Variants in EFCAB14 observed in about 807,000 individuals in gnomAD.
The protein encoded by EFCAB14 is EF-hand calcium binding domain 14.
Under a neutral mutation model 56.5 loss-of-function variants are expected in EFCAB14, and 43 were observed. The ratio of observed to expected loss-of-function variants is 0.76; its 90% confidence interval spans 0.60 to 0.98. EFCAB14 has a LOEUF of 0.98. EFCAB14 is among the 50% of genes least tolerant of loss of function. The probability of loss-of-function intolerance (pLI) is 0.00; values close to 1 mark genes in which losing one functional copy is unlikely to be tolerated. For synonymous variants in EFCAB14, 235 were observed against 212.9 expected (o/e 1.10, Z -0.90); for missense variants, 538 against 580.3 (o/e 0.93, Z 0.75).
chr1:46,683,622 T>C (rs2148838433), intron 9 of EFCAB14, among the ~76,000 whole-genome samples, 197 bp from the exon 10 acceptor site: 1 of 152,268 alleles, frequency 6.6e-6, no homozygotes, highest in African/African-American at 2.4e-5. Flanking sequence ...CACCAATCAG[T>C]ATTATATTAC....
intron 5 of EFCAB14, among the ~76,000 whole-genome samples, chr1:46,690,518 A>G (rs1676974417): frequency 6.6e-6 from 1 of 152,194 alleles, no homozygotes; most frequent in African/African-American, 2.4e-5. Flanking sequence ...AACAATAAAG[A>G]GAAAAGGAGG....
At chr1:46,683,279 C>A (rs902987860) in intron 10 of EFCAB14, 21 bp downstream of exon 10, 1 of 1,609,246 alleles carries the variant, frequency 6.2e-7, no homozygotes, top group Non-Finnish European at 8.5e-7. Context: ...CCCATTACTA[C>A]CCCGTGGTAT....
At chr1:46,699,852 T>C (rs1277692298) in intron 3 of EFCAB14, among the ~76,000 whole-genome samples, 1 of 152,204 alleles carries the variant, frequency 6.6e-6, no homozygotes, top group Non-Finnish European at 1.5e-5. Flanking sequence ...CTGGCAACTT[T>C]AGAAATTAGG....
rs1174129516 is a variant in EFCAB14, at chr1:46,683,306, T to C, written c.1306A>G (p.Thr436Ala). Residue 436 changes from threonine (T) to alanine (A), a missense_variant, in exon 10 of 11, where the codon ACT (threonine) becomes GCT (alanine). Transcript: ENST00000371933. ...RPISLPGVSS[T>A]EDLQDLFRKT... ...CCGTGGTATAAAAATTTACCTTCAG[T>C]GCTAGAAACTCCTGGTAGGGAGATA... The C allele has an allele frequency of 6.2e-7, 1 of 1,613,736 alleles. No individual in the cohort carries two copies. Among genetic ancestry groups the C allele is most frequent in the Non-Finnish European group, 8.5e-7 (1 of 1,179,838 alleles).
intron 10 of EFCAB14, among the ~76,000 whole-genome samples, chr1:46,679,339 C>T (rs1041614761): frequency 2.0e-5 from 3 of 152,174 alleles, no homozygotes; most frequent in East Asian, 1.9e-4. Flanking sequence ...CTCACTCTGT[C>T]GCCCACGCTG....
In EFCAB14 at chr1:46,696,605, A is replaced by C; in HGVS notation, c.525T>G (p.Val175=). The C allele has an allele frequency of 6.2e-7, 1 of 1,613,774 alleles. No individual in the cohort carries two copies. The highest frequency in any genetic ancestry group is 8.5e-7 in the Non-Finnish European group (1 of 1,179,728). The change falls in exon 4 of 11, where the codon GTT becomes GTG. Residue 175 remains valine (V), a synonymous_variant. Coordinates refer to ENST00000371933, the MANE Select transcript of EFCAB14 (RefSeq NM_014774.3). ...GGCTAATCAAGTCTGCAGCTGACTT[A>C]ACATTGGCTTTGAGGTGGTTCACTG... is the stretch of plus-strand genomic sequence containing the variant. ...TSAVNHLKAN[V]KSAADLISLP...
chr1:46,718,166 G>T lies in EFCAB14; in HGVS notation c.-79C>A, dbSNP rs1677427316. ...CGATGCCCAATTCTCTTCCTGCCTT[G>T]GAGCTGCCTTCCAGGGTTGGGAATC... On this transcript the variant is annotated 5_prime_UTR_variant, in exon 1 of 11. Transcript: ENST00000371933. The T allele has an allele frequency of 1.3e-6, 2 of 1,495,820 alleles. No individual in the cohort carries two copies. The highest frequency in any genetic ancestry group is 1.8e-6 in the Non-Finnish European group (2 of 1,096,800). 92.7% of individuals were successfully genotyped at this position (1,495,820 alleles called of 1,614,324 possible). A position where few individuals can be genotyped will look rare whatever the true frequency, so the allele number is the denominator to read the frequency against.
chr1:46,676,609 T>C lies in EFCAB14; in HGVS notation c.*1852A>G, dbSNP rs1411702814. 6.6e-6 allele frequency: 1 copy of C among 152,568 alleles called. No homozygotes were observed. 9.5% of individuals were successfully genotyped at this position (152,568 alleles called of 1,614,324 possible). Reference sequence around the variant, plus strand: ...AATTTTATTTGGTTGTTAGAAAATCTGTAAGGGTGTATATATATTAAAAAA... The same window carrying C: ...AATTTTATTTGGTTGTTAGAAAATCCGTAAGGGTGTATATATATTAAAAAA... On this transcript the variant is annotated 3_prime_UTR_variant, in exon 11 of 11. Transcript: ENST00000371933.
chr1:46,698,522 C>T (rs995641746), intron 3 of EFCAB14, among the ~76,000 whole-genome samples: 28 of 152,066 alleles, frequency 1.8e-4, no homozygotes, highest in Admixed American at 1.2e-3. Context: ...TTAGACTGAT[C>T]GGTCTGAGGA....
At chr1:46,695,338 C>CTGGCCTCAT (rs1167214986) in intron 4 of EFCAB14, among the ~76,000 whole-genome samples, 1 of 152,088 alleles carries the variant, frequency 6.6e-6, no homozygotes, top group Non-Finnish European at 1.5e-5. Flanking sequence ...CGGCAAGAAT[C>CTGGCCTCAT]TGGCCTCATC....
intron 3 of EFCAB14, among the ~76,000 whole-genome samples, chr1:46,699,248 A>ATCT (rs1677119401): frequency 6.6e-6 from 1 of 152,212 alleles, no homozygotes; most frequent in South Asian, 2.1e-4. Context: ...TCTGACAGAG[A>ATCT]AGTTAGAATT....
intron 7 of EFCAB14, 64 bp downstream of exon 7, chr1:46,688,289 G>A: frequency 6.7e-7 from 1 of 1,495,886 alleles, no homozygotes; most frequent in Non-Finnish European, 9.2e-7. Flanking sequence ...TCAAAAGGTG[G>A]TAGAATGTTA....
intron 8 of EFCAB14, among the ~76,000 whole-genome samples, chr1:46,685,418 G>T (rs1676865301): frequency 6.6e-6 from 1 of 152,084 alleles, no homozygotes. Flanking sequence ...TACTTTTCTT[G>T]TATAAGTAAT....
At chr1:46,697,778 G>T (rs1677097074) in intron 3 of EFCAB14, among the ~76,000 whole-genome samples, 1 of 151,888 alleles carries the variant, frequency 6.6e-6, no homozygotes, top group Admixed American at 6.6e-5. Flanking sequence ...CCTAGTAAAA[G>T]GTGACAGAAA....
At chr1:46,689,563 A>T (rs1676956644) in intron 6 of EFCAB14, 24 bp downstream of exon 6, 2 of 1,609,488 alleles carry the variant, frequency 1.2e-6, no homozygotes, top group African/African-American at 2.7e-5. Flanking sequence ...GGTCACAGGG[A>T]GTTAAGCCAG....
chr1:46,704,397 C>T (rs1401515217), intron 3 of EFCAB14, among the ~76,000 whole-genome samples: 1 of 150,644 alleles, frequency 6.6e-6, no homozygotes, highest in East Asian at 1.9e-4. Context: ...ATCACTCGAG[C>T]CTGGGAGGTC....
intron 4 of EFCAB14, among the ~76,000 whole-genome samples, chr1:46,695,244 C>CT (rs1238298780): frequency 2.0e-5 from 3 of 152,122 alleles, no homozygotes; most frequent in Non-Finnish European, 4.4e-5. Flanking sequence ...AACCAGTTTC[C>CT]TTTTCTAATG....
chr1:46,686,905 G>T (rs2148840278), intron 7 of EFCAB14, 35 bp from the exon 8 acceptor site: 1 of 1,595,216 alleles, frequency 6.3e-7, no homozygotes, highest in East Asian at 2.2e-5. Flanking sequence ...CAAACAAAGG[G>T]AAGATTAAAG....
intron 2 of EFCAB14, among the ~76,000 whole-genome samples, chr1:46,711,675 T>C (rs540269462): frequency 1.3e-5 from 2 of 152,332 alleles, no homozygotes; most frequent in East Asian, 3.9e-4. Context: ...ATTTTGTATG[T>C]TAATGCTCAA....
Sources: gnomAD v4.1 joint callset for allele counts (sites outside exome capture counted in the v4.1 genomes callset) on GRCh38, gnomAD v4.1.1 for gene constraint, MANE v1.5 for transcripts, NCBI Gene and HGNC (gene_info 2026-07-23, HGNC 2026-07-21) for gene names.